DLEC1: variants seen among roughly 807,000 people sequenced by gnomAD.
The protein encoded by DLEC1 is DLEC1 cilia and flagella associated protein, also known as deleted in lung and esophageal cancer protein 1.
DLEC1 carries 146 observed loss-of-function variants against 198.1 expected under a neutral mutation model. That is an observed-to-expected ratio of 0.74 (90% confidence interval 0.64 to 0.85). DLEC1 has a LOEUF of 0.85. Among genes scored for constraint, DLEC1 ranks in the 40% least tolerant of loss-of-function variants. The probability of loss-of-function intolerance (pLI) is 0.00; values close to 1 mark genes in which losing one functional copy is unlikely to be tolerated. For synonymous variants in DLEC1, 897 were observed against 866.8 expected (o/e 1.03, Z -0.61); for missense variants, 2,233 against 2,220.0 (o/e 1.01, Z -0.12).
Position 38,112,304 on chromosome 3 carries a change from T to C in DLEC1, c.3609T>C (p.Ile1203=), listed in dbSNP as rs982255171. ...GMLGPYQQLC[I]DITGCANMWG... ...TGGGGCCCTACCAGCAGCTGTGCAT[T>C]GACATCACAGGCTGTGCCAACATGT... Residue 1203 remains isoleucine (I), a synonymous_variant, in exon 25 of 37, where the codon ATT becomes ATC. Transcript: ENST00000308059. The surrounding 1 kb of genome is among the most constrained non-coding windows in gnomAD (Gnocchi z 4.8). 6.2e-7 allele frequency: 1 copy of C among 1,614,036 alleles called. No individual in the cohort carries two copies. The highest frequency in any genetic ancestry group is 1.3e-5 in the African/African-American group (1 of 74,914).
intron 2 of DLEC1, among the ~76,000 whole-genome samples, chr3:38,046,571 T>C (rs930304487): frequency 6.6e-6 from 1 of 152,204 alleles, no homozygotes. Flanking sequence ...TCTTTTTCTT[T>C]ATAAATTACA....
At chr3:38,119,601 G>A (rs1014912796) in intron 33 of DLEC1, among the ~76,000 whole-genome samples, 3 of 151,832 alleles carry the variant, frequency 2.0e-5, no homozygotes, top group Non-Finnish European at 4.4e-5. Context: ...GTGCAGTGGC[G>A]TGATCATGGT....
At chr3:38,078,047 G>T (rs1697732972) in intron 6 of DLEC1, among the ~76,000 whole-genome samples, 1 of 152,302 alleles carries the variant, frequency 6.6e-6, no homozygotes, top group South Asian at 2.1e-4. Context: ...CATGATCAGG[G>T]TGAGGGACAG....
intron 14 of DLEC1, 65 bp from the exon 15 acceptor site, chr3:38,096,504 C>T (rs1276302009): frequency 2.2e-5 from 34 of 1,536,688 alleles, no homozygotes; most frequent in Non-Finnish European, 8.8e-7. Context: ...GGGACAGAGG[C>T]AGGGACACTC....
intron 6 of DLEC1, among the ~76,000 whole-genome samples, chr3:38,072,988 C>A (rs540905653): frequency 2.0e-5 from 3 of 152,188 alleles, no homozygotes; most frequent in Non-Finnish European, 2.9e-5. Context: ...GAAAGTAAAT[C>A]ACGAGAAAGA....
Position 38,122,631 on chromosome 3 carries a change from C to T in DLEC1, c.*219C>T, listed in dbSNP as rs1394010813. The stretch of plus-strand genomic sequence containing the variant: ...AGGACAGGCCACACCACAGCAGAGA[C>T]CACCACATTGAGATCACTACTCAGT... On this transcript the variant is annotated 3_prime_UTR_variant, in exon 37 of 37. Transcript: ENST00000308059. The T allele has an allele frequency of 1.1e-5, 16 of 1,514,316 alleles. No homozygotes were observed. Among genetic ancestry groups the T allele is most frequent in the African/African-American group, 1.4e-5 (1 of 72,074 alleles). The allele number at this position is 1,514,316 out of a possible 1,614,324, so 93.8% of individuals were successfully genotyped here. A position where few individuals can be genotyped will look rare whatever the true frequency, so the allele number is the denominator to read the frequency against.
intron 6 of DLEC1, among the ~76,000 whole-genome samples, chr3:38,080,113 G>T (rs544564021): frequency 6.6e-6 from 1 of 152,352 alleles, no homozygotes; most frequent in South Asian, 2.1e-4. Flanking sequence ...AATGCTGTCT[G>T]ATTTGGGATA....
intron 23 of DLEC1, among the ~76,000 whole-genome samples, chr3:38,111,034 G>A (rs1478840740): frequency 1.3e-5 from 2 of 152,064 alleles, no homozygotes; most frequent in African/African-American, 4.8e-5. Flanking sequence ...GAACCAGCTA[G>A]CACTGGTTCA....
chr3:38,111,960 A>T (rs1699906181), intron 24 of DLEC1, among the ~76,000 whole-genome samples: 1 of 152,076 alleles, frequency 6.6e-6, no homozygotes, highest in South Asian at 2.1e-4. Context: ...TCCATTTGGG[A>T]TGGGAGTGGC....
intron 29 of DLEC1, 38 bp from the exon 30 acceptor site, chr3:38,116,937 G>A (rs758544387): frequency 8.1e-6 from 13 of 1,612,428 alleles, no homozygotes; most frequent in Non-Finnish European, 1.1e-5. Context: ...CCGGCCAGTG[G>A]GCATGGGACA....
rs1237765699 is a variant in DLEC1, at chr3:38,117,612, G to A, written c.4485+1G>A. 1.2e-6 allele frequency: 2 copies of A among 1,614,000 alleles called. No homozygotes were observed. The highest frequency in any genetic ancestry group is 1.3e-5 in the African/African-American group (1 of 74,920). On this transcript the variant is annotated splice_donor_variant, in intron 32 of 36. Transcript: ENST00000308059. LOFTEE classifies it high-confidence loss of function. ...CATTCCCGAGCAGCCCTGCTCTGGG[G>A]TGAGTGTGCTGCCACCCTCTGGCCC...
intron 21 of DLEC1, 22 bp from the exon 22 acceptor site, chr3:38,109,410 C>T (rs1274391900): frequency 6.2e-7 from 1 of 1,613,930 alleles, no homozygotes; most frequent in Non-Finnish European, 8.5e-7. Context: ...CTGGTCTGAC[C>T]CCTGGATGGG....
chr3:38,077,337 T>C (rs1293607665), intron 6 of DLEC1, among the ~76,000 whole-genome samples: 1 of 152,184 alleles, frequency 6.6e-6, no homozygotes, highest in Non-Finnish European at 1.5e-5. Context: ...TCTAAGTTGG[T>C]CCAGTGTCTG....
chr3:38,109,915 CCT>C (rs1699772821), intron 22 of DLEC1, 182 bp from the exon 23 acceptor site: 2 of 728,252 alleles, frequency 2.7e-6, no homozygotes, highest in South Asian at 1.9e-5. Context: ...GAGTTTGAGG[CCT>C]CTCTCAGCAT....
At chr3:38,050,681 T>C (rs1701073266) in intron 2 of DLEC1, among the ~76,000 whole-genome samples, 1 of 152,182 alleles carries the variant, frequency 6.6e-6, no homozygotes, top group Non-Finnish European at 1.5e-5. Context: ...CCTCCAACTT[T>C]AGGAAAAAAT....
At chr3:38,073,460 G>T (rs1697434422) in intron 6 of DLEC1, among the ~76,000 whole-genome samples, 1 of 152,108 alleles carries the variant, frequency 6.6e-6, no homozygotes, top group African/African-American at 2.4e-5. Context: ...GATGGTAATA[G>T]GCATGTGATC....
At chr3:38,084,658 G>A (rs1698343410) in intron 7 of DLEC1, among the ~76,000 whole-genome samples, 1 of 146,324 alleles carries the variant, frequency 6.8e-6, no homozygotes, top group African/African-American at 2.5e-5. Flanking sequence ...GTCACTTGCT[G>A]GGCTTGCTGC....
rs1700567642 is a variant in DLEC1, at chr3:38,123,002, GAGC to G, written c.*596_*598del. 1.3e-6 allele frequency: 2 copies of G among 1,571,536 alleles called. No homozygotes were observed. The highest frequency in any genetic ancestry group is 1.3e-5 in the African/African-American group (1 of 74,122). ...TTGTGGTGTTACTGCCTTGCTGCTA[GAGC>G]AGCAGGACTGTCTGCGTAGCGCCTC... On this transcript the variant is annotated 3_prime_UTR_variant, in exon 37 of 37. Transcript: ENST00000308059.
At chr3:38,046,508 T>C (rs892001670) in intron 2 of DLEC1, among the ~76,000 whole-genome samples, 6 of 152,188 alleles carry the variant, frequency 3.9e-5, no homozygotes, top group African/African-American at 1.4e-4. Context: ...CTTCACCTTC[T>C]ACCATGATTG....
Sources: allele counts gnomAD v4.1 joint callset (sites outside exome capture counted in the v4.1 genomes callset), GRCh38; gene constraint gnomAD v4.1.1; non-coding constraint Gnocchi (gnomAD v3.1); transcripts MANE v1.5; gene names NCBI Gene and HGNC (gene_info 2026-07-23, HGNC 2026-07-21).